The following SCFD2 variants were observed in gnomAD, a reference collection of about 807,000 sequenced individuals.
SCFD2 encodes sec1 family domain-containing protein 2.
In SCFD2, 54 loss-of-function variants were observed where a neutral mutation model predicts 58.9. The ratio of observed to expected loss-of-function variants is 0.92; its 90% CI spans 0.74 to 1.15. The LOEUF (loss-of-function observed/expected upper bound fraction) is 1.15, where lower values mean the gene tolerates loss of function less well. Ranked by LOEUF, SCFD2 falls within the 50% of genes most tolerant of loss-of-function variation. The pLI is 0.00. For missense variants in SCFD2, 805 were observed against 836.6 expected (o/e 0.96, Z 0.47); for synonymous variants, 321 against 335.9 (o/e 0.96, Z 0.49).
Position 53,040,725 on chromosome 4 carries a change from C to T in SCFD2, c.1561+104608G>A, listed in dbSNP as rs1560310333. Among the ~76,000 whole-genome samples, 4 of 152,164 alleles carry T rather than the reference C, an allele frequency of 2.6e-5. No homozygotes were observed. In the South Asian group the frequency reaches 8.3e-4, roughly 32 times the overall value. On this transcript the variant is annotated intron_variant, in intron 5 of 8. Coordinates refer to ENST00000401642, the MANE Select transcript of SCFD2 (RefSeq NM_152540.4). ...CCAATGCATGCTTCTTACTCATTGC[C>T]TTTTAGTAGTGGGTTCATTATAGAA...
intron 4 of SCFD2, among the ~76,000 whole-genome samples, chr4:53,190,250 T>C (rs1405189096): frequency 1.1e-4 from 16 of 152,212 alleles, no homozygotes; most frequent in Middle Eastern, 3.4e-3. Context: ...GCTCTGAAAC[T>C]GTAGCATAGA....
chr4:53,272,370 G>T (rs1698554222), intron 4 of SCFD2, among the ~76,000 whole-genome samples: 3 of 152,112 alleles, frequency 2.0e-5, no homozygotes, highest in Admixed American at 1.3e-4. Flanking sequence ...CAAAGGATTA[G>T]AAATCATGCC....
rs183259369 is a variant in SCFD2 at position 53,145,376 on chromosome 4, G to A, written c.1518C>T (p.Phe506=). ...AAGGTGACAATCCAGATTCCTCACA[G>A]AAGACCTGAGCCAATGCTTTCTTGA... ...EKVKKALAQV[F]CEESGLSPLL... The change falls in exon 5 of 9, where the codon TTC becomes TTT. Residue 506 remains phenylalanine (F), a synonymous_variant. Transcript: ENST00000401642. 5.6e-5 allele frequency: 91 copies of A among 1,614,146 alleles called. No individual in the cohort carries two copies. In the East Asian group the frequency reaches 1.8e-3, roughly 33 times the overall value.
intron 4 of SCFD2, among the ~76,000 whole-genome samples, chr4:53,238,447 G>T (rs1729758386): frequency 6.7e-6 from 1 of 150,312 alleles, no homozygotes; most frequent in Non-Finnish European, 1.5e-5. Context: ...GGCCGGGCAG[G>T]GGGCTGACCC....
chr4:52,876,151 G>GC (rs5858190), intron 8 of SCFD2, among the ~76,000 whole-genome samples: 150,494 of 152,014 alleles, frequency 0.99, 74,502 homozygotes, highest in Middle Eastern at 1. Flanking sequence ...CTGGCCAGAT[G>GC]CCTCCAGAAA....
At chr4:53,237,322 G>A (rs1729659807) in intron 4 of SCFD2, among the ~76,000 whole-genome samples, 1 of 151,600 alleles carries the variant, frequency 6.6e-6, no homozygotes, top group Non-Finnish European at 1.5e-5. Flanking sequence ...AGCCGCCATT[G>A]TCATCCTGGC....
At chr4:53,342,032 T>C (rs1005568332) in intron 2 of SCFD2, among the ~76,000 whole-genome samples, 3 of 152,100 alleles carry the variant, frequency 2.0e-5, no homozygotes, top group Non-Finnish European at 4.4e-5. Context: ...ATCGACACTA[T>C]GAAGAAACTG....
chr4:53,022,573 A>G (rs1722375112), intron 5 of SCFD2, among the ~76,000 whole-genome samples: 1 of 152,172 alleles, frequency 6.6e-6, no homozygotes, highest in Non-Finnish European at 1.5e-5. Context: ...CTAAGAGAGA[A>G]AGTTTAGGCC....
At chr4:53,084,400 A>G (rs1335493195) in intron 5 of SCFD2, among the ~76,000 whole-genome samples, 2 of 152,144 alleles carry the variant, frequency 1.3e-5, no homozygotes, top group African/African-American at 2.4e-5. Flanking sequence ...TTCCATAAAA[A>G]TCGCTGTTAT....
intron 4 of SCFD2, among the ~76,000 whole-genome samples, chr4:53,191,017 G>C (rs566708597): frequency 6.6e-6 from 1 of 152,172 alleles, no homozygotes; most frequent in Non-Finnish European, 1.5e-5. Context: ...TATAAGGGTT[G>C]CATTTACTTT....
intron 4 of SCFD2, among the ~76,000 whole-genome samples, chr4:53,268,529 G>A (rs1240292280): frequency 1.3e-5 from 2 of 152,028 alleles, no homozygotes; most frequent in East Asian, 3.9e-4. Flanking sequence ...GGGTGGTGAG[G>A]GCAGCTAAAG....
chr4:53,207,538 T>TTATGTATA (rs1491230502), intron 4 of SCFD2, among the ~76,000 whole-genome samples: 9 of 17,608 alleles, frequency 5.1e-4, no homozygotes, highest in Non-Finnish European at 7.5e-4. Flanking sequence ...ATTTATATAT[T>TTATGTATA]ATATATATAA....
In SCFD2 at chr4:52,934,207, T is replaced by A. The variant is rs539353729; in HGVS notation, c.1562-13337A>T. Among the ~76,000 whole-genome samples, 10 of 152,308 alleles carry A rather than the reference T, an allele frequency of 6.6e-5. No individual in the cohort carries two copies. In the East Asian group the frequency reaches 1.9e-3, roughly 29 times the overall value. On this transcript the variant is annotated intron_variant, in intron 5 of 8. Coordinates refer to ENST00000401642, the MANE Select transcript of SCFD2 (RefSeq NM_152540.4). ...CACACTAGCATACAACCTCCTTCAT[T>A]ACTGCATCAAGTGCTTGCCTCTCTC...
intron 4 of SCFD2, among the ~76,000 whole-genome samples, chr4:53,190,300 A>G (rs1259747478): frequency 6.6e-6 from 1 of 152,088 alleles, no homozygotes; most frequent in Non-Finnish European, 1.5e-5. Context: ...TGTCCTTATC[A>G]TGGTCTACAA....
At chr4:53,326,678 T>A (rs1376783804) in intron 2 of SCFD2, among the ~76,000 whole-genome samples, 1 of 152,054 alleles carries the variant, frequency 6.6e-6, no homozygotes, top group African/African-American at 2.4e-5. Context: ...AGATATGCAG[T>A]CTTGCTATCA....
chr4:52,973,149 G>A lies in SCFD2; in HGVS notation c.1562-52279C>T, dbSNP rs1577871155. On this transcript the variant is annotated intron_variant, in intron 5 of 8. Transcript: ENST00000401642. ...AAACACATTCAAAAGCTAGCAGAAG[G>A]CAAGAAATAACTAAGATCAGAGCAG... 2.0e-5 allele frequency among the ~76,000 whole-genome samples: 3 copies of A among 152,092 alleles called. No individual in the cohort carries two copies. The South Asian group carries it at 6.3e-4, about 32-fold the overall frequency.
chr4:53,275,786 C>T (rs1731308544), intron 3 of SCFD2, among the ~76,000 whole-genome samples: 1 of 152,122 alleles, frequency 6.6e-6, no homozygotes, highest in Non-Finnish European at 1.5e-5. Context: ...AGTATGTAGC[C>T]ATTTGAGTCT....
At chr4:53,352,498 C>A in intron 2 of SCFD2, 100 bp downstream of exon 2, 1 of 989,026 alleles carries the variant, frequency 1.0e-6, no homozygotes, top group Admixed American at 2.9e-5. Context: ...TTCAACCAGA[C>A]CAATTCTTCA....
At chr4:52,919,660 C>T (rs951665137) in intron 6 of SCFD2, among the ~76,000 whole-genome samples, 2 of 152,218 alleles carry the variant, frequency 1.3e-5, no homozygotes, top group African/African-American at 4.8e-5. Context: ...GCCTGTGGCA[C>T]GTCACTTGGC....
Sources: allele counts gnomAD v4.1 joint callset (sites outside exome capture counted in the v4.1 genomes callset), GRCh38; gene constraint gnomAD v4.1.1; transcripts MANE v1.5; gene names NCBI Gene and HGNC (gene_info 2026-07-23, HGNC 2026-07-21).